Variants in STX6 observed in about 807,000 individuals in gnomAD.
STX6 encodes the protein syntaxin-6.
A neutral mutation model predicts 38.0 loss-of-function variants in STX6; 23 were observed. The ratio of observed to expected loss-of-function variants is 0.60; its 90% confidence interval spans 0.43 to 0.86. The LOEUF (loss-of-function observed/expected upper bound fraction) is 0.86, where lower values mean the gene tolerates loss of function less well. STX6 is among the 40% of genes least tolerant of loss of function. STX6 has a pLI of 0.00. For synonymous variants in STX6, 123 were observed against 107.5 expected, an observed-to-expected ratio of 1.14 and a Z score of -0.89; for missense variants, 274 against 312.9, an observed-to-expected ratio of 0.88 and a Z score of 0.94.
intron 1 of STX6, among the ~76,000 whole-genome samples, chr1:181,010,493 A>C (rs1329984796): frequency 6.6e-6 from 1 of 151,920 alleles, no homozygotes; most frequent in African/African-American, 2.4e-5. Context: ...GTAGAAACAG[A>C]GTTTCACTAT....
chr1:181,010,311 C>CT (rs563479356), intron 1 of STX6, among the ~76,000 whole-genome samples: 228 of 151,806 alleles, frequency 1.5e-3, no homozygotes, highest in South Asian at 4.4e-3. Flanking sequence ...GAAGAATATT[C>CT]TTTTTTTTGA....
At chr1:181,015,024 T>C (rs1656515954) in intron 1 of STX6, among the ~76,000 whole-genome samples, 1 of 152,200 alleles carries the variant, frequency 6.6e-6, no homozygotes, top group Non-Finnish European at 1.5e-5. Flanking sequence ...GCCCATTATA[T>C]CTATTTGCTT....
chr1:181,008,751 A>T (rs75868500), intron 1 of STX6, among the ~76,000 whole-genome samples: 6 of 41,170 alleles, frequency 1.5e-4, no homozygotes, highest in African/African-American at 6.7e-4. Context: ...TTTTTTTTTA[A>T]ACAAAAGGCT....
At chr1:181,015,663 C>G (rs1000663920) in intron 1 of STX6, among the ~76,000 whole-genome samples, 2 of 151,932 alleles carry the variant, frequency 1.3e-5, no homozygotes, top group Admixed American at 1.3e-4. Flanking sequence ...AAAACTTCCA[C>G]ACAAATCTTT....
chr1:180,998,627 C>T (rs1437625544), intron 3 of STX6, among the ~76,000 whole-genome samples: 2 of 152,136 alleles, frequency 1.3e-5, no homozygotes, highest in Non-Finnish European at 2.9e-5. Flanking sequence ...GTGATCTGCC[C>T]GCCTCAGCCT....
chr1:181,022,376 A>G (rs971907553), intron 1 of STX6, among the ~76,000 whole-genome samples: 6 of 152,026 alleles, frequency 3.9e-5, no homozygotes, highest in African/African-American at 1.5e-4. Flanking sequence ...CGGCCCCCAA[A>G]TAAATTGTAC....
chr1:180,977,030 T>C (rs987158312), intron 7 of STX6, among the ~76,000 whole-genome samples: 8 of 152,218 alleles, frequency 5.3e-5, no homozygotes, highest in African/African-American at 1.9e-4. Flanking sequence ...GTCATTTAAT[T>C]AAACAATAAT....
intron 7 of STX6, among the ~76,000 whole-genome samples, chr1:180,977,212 C>T (rs1316731824): frequency 6.6e-6 from 1 of 152,218 alleles, no homozygotes; most frequent in Non-Finnish European, 1.5e-5. Flanking sequence ...TGTTAAAGTA[C>T]CTTGTACAGC....
intron 4 of STX6, among the ~76,000 whole-genome samples, 164 bp downstream of exon 4, chr1:180,993,199 C>G (rs1655802433): frequency 6.6e-6 from 1 of 152,108 alleles, no homozygotes; most frequent in Non-Finnish European, 1.5e-5. Flanking sequence ...GGTGCTGGGA[C>G]AGGCTGCCTG....
chr1:180,990,853 G>A (rs1404363816), intron 4 of STX6, among the ~76,000 whole-genome samples: 1 of 152,154 alleles, frequency 6.6e-6, no homozygotes, highest in Non-Finnish European at 1.5e-5. Flanking sequence ...CCATAAATGG[G>A]TATGTCTTCC....
rs779404708 is a variant in STX6, at chr1:180,984,753, A to G, written c.615T>C (p.Ser205=). 8.8e-6 allele frequency: 14 copies of G among 1,583,540 alleles called. No homozygotes were observed. The African/African-American group carries it at 1.7e-4, about 20-fold the overall frequency. The change falls in exon 7 of 8, where the codon TCT becomes TCC. Residue 205 remains serine, a synonymous_variant. Coordinates refer to ENST00000258301, the MANE Select transcript of STX6 (RefSeq NM_005819.6). ...EEQAVMLEDF[S]HELESTQSRL... ...GGGACTGAGTGCTCTCCAATTCGTG[A>G]GAGAAATCTTCCAACATACTAGAGA...
At position 180,988,235 on chromosome 1, in the gene STX6, T is replaced by G. The variant is rs779672010; in HGVS notation, c.596+4A>C. ...TGAAGCGAGAGGGGTGTCTCAATAC[T>G]CACACTGCCTGTTCCTCCAGCTCCC... On this transcript the variant is annotated splice_donor_region_variant and intron_variant, in intron 6 of 7. Coordinates refer to ENST00000258301, the MANE Select transcript of STX6 (RefSeq NM_005819.6). 6.2e-7 allele frequency: 1 copy of G among 1,611,410 alleles called. No homozygotes were observed. Among genetic ancestry groups the G allele is most frequent in the Non-Finnish European group, 8.5e-7 (1 of 1,177,632 alleles).
rs1198309729 is a variant in STX6 at position 180,984,083 on chromosome 1, A to AC, written c.691+593_691+594insG. On this transcript the variant is annotated intron_variant, in intron 7 of 7. Transcript: ENST00000258301. The stretch of plus-strand genomic sequence containing the variant: ...CATCTCAAAAAAAAAAAAAAAAAAA[A>AC]AAAAAAACACAACGAAAGTGACTCT... Among the ~76,000 whole-genome samples, 80 of 149,450 alleles carry AC rather than the reference A, an allele frequency of 5.4e-4. 3 individuals carry two copies. The highest frequency in any genetic ancestry group is 9.8e-4 in the Non-Finnish European group (66 of 67,308).
intron 3 of STX6, among the ~76,000 whole-genome samples, chr1:180,994,266 C>G (rs922863621): frequency 1.3e-5 from 2 of 152,198 alleles, no homozygotes; most frequent in Non-Finnish European, 2.9e-5. Flanking sequence ...CTTTTAGAAA[C>G]TTCTTTAAAG....
Position 181,000,387 on chromosome 1 carries a change from G to A in STX6, c.300+2219C>T, listed in dbSNP as rs115637192. 1.2e-3 allele frequency among the ~76,000 whole-genome samples: 187 copies of A among 152,346 alleles called. 1 individual carries two copies. The highest frequency in any genetic ancestry group is 2.2e-3 in the Non-Finnish European group (147 of 68,040). On this transcript the variant is annotated intron_variant, in intron 3 of 7. Coordinates refer to ENST00000258301, the MANE Select transcript of STX6 (RefSeq NM_005819.6). ...CCTCAGGAAACTTACAATCATGGCA[G>A]AAGGAGAAGCAAGGCAACTTCTTCA...
At chr1:181,013,299 T>C (rs950462039) in intron 1 of STX6, among the ~76,000 whole-genome samples, 1 of 152,190 alleles carries the variant, frequency 6.6e-6, no homozygotes, top group Non-Finnish European at 1.5e-5. Context: ...ATTGCGTAAG[T>C]GTAGCCACAA....
At chr1:181,011,068 G>A (rs998118526) in intron 1 of STX6, among the ~76,000 whole-genome samples, 3 of 152,220 alleles carry the variant, frequency 2.0e-5, no homozygotes, top group Non-Finnish European at 4.4e-5. Flanking sequence ...CAAAGCAGTT[G>A]CAGAATAAAG....
At position 180,993,181 on chromosome 1, in the gene STX6, G is replaced by A. The variant is rs147345450; in HGVS notation, c.363+182C>T. On this transcript the variant is annotated intron_variant, in intron 4 of 7. Coordinates refer to ENST00000258301, the MANE Select transcript of STX6 (RefSeq NM_005819.6). ...GAGGGTAAGAGGAGGGGAGGGAAATGTTGACAGGGTGCTGGGACAGGCTGC... is the reference window on the plus strand; with the variant it reads ...GAGGGTAAGAGGAGGGGAGGGAAATATTGACAGGGTGCTGGGACAGGCTGC... 7.1e-3 allele frequency among the ~76,000 whole-genome samples: 1,074 copies of A among 152,256 alleles called. 4 individuals carry two copies. Among genetic ancestry groups the A allele is most frequent in the Non-Finnish European group, 9.0e-3 (614 of 68,014 alleles).
intron 4 of STX6, among the ~76,000 whole-genome samples, chr1:180,992,711 A>G (rs1655787962): frequency 6.6e-6 from 1 of 152,248 alleles, no homozygotes; most frequent in African/African-American, 2.4e-5. Flanking sequence ...TGATCATTCT[A>G]CATTTTTTAA....
Sources: gnomAD v4.1 joint callset for allele counts (sites outside exome capture counted in the v4.1 genomes callset) on GRCh38, gnomAD v4.1.1 for gene constraint, MANE v1.5 for transcripts, NCBI Gene and HGNC (gene_info 2026-07-23, HGNC 2026-07-21) for gene names.